Variants in SSBP3 observed in about 807,000 individuals in gnomAD.
The protein encoded by SSBP3 is single-stranded DNA-binding protein 3.
A neutral mutation model predicts 69.6 loss-of-function variants in SSBP3; 5 were observed. The observed-to-expected ratio is 0.07, with a 90% CI of 0.04 to 0.15. The LOEUF is 0.15. Ranked by LOEUF, SSBP3 falls within the 10% of genes least tolerant of loss-of-function variation. SSBP3 has a pLI of 1.00. For synonymous variants in SSBP3, 196 were observed against 193.4 expected (o/e 1.01, Z -0.11); for missense variants, 312 against 534.0 (o/e 0.58, Z 4.10).
At chr1:54,310,825 G>C (rs1055111384) in intron 4 of SSBP3, among the ~76,000 whole-genome samples, 3 of 152,186 alleles carry the variant, frequency 2.0e-5, no homozygotes, top group African/African-American at 7.2e-5. Context: ...CCACCTGTGA[G>C]GATGGGGGGA....
chr1:54,346,194 A>G (rs544165496), intron 4 of SSBP3, among the ~76,000 whole-genome samples: 1 of 151,534 alleles, frequency 6.6e-6, no homozygotes, highest in South Asian at 2.1e-4. Context: ...GCGCGGCACC[A>G]TGTGCTTGTA....
intron 4 of SSBP3, among the ~76,000 whole-genome samples, chr1:54,339,771 G>A (rs1424765298): frequency 6.6e-6 from 1 of 152,072 alleles, no homozygotes; most frequent in Non-Finnish European, 1.5e-5. Flanking sequence ...AAATTAGCCG[G>A]GCATGTTGGC....
At chr1:54,293,525 T>C (rs1011080473) in intron 4 of SSBP3, among the ~76,000 whole-genome samples, 1 of 152,236 alleles carries the variant, frequency 6.6e-6, no homozygotes, top group African/African-American at 2.4e-5. Flanking sequence ...TAACCTATTA[T>C]TACTTACACA....
chr1:54,311,070 C>A (rs180909370), intron 4 of SSBP3, among the ~76,000 whole-genome samples: 1 of 152,174 alleles, frequency 6.6e-6, no homozygotes, highest in East Asian at 1.9e-4. Context: ...GGACCCTAAT[C>A]GATGGCTGAC....
intron 13 of SSBP3, among the ~76,000 whole-genome samples, chr1:54,240,592 G>T (rs1479967412): frequency 2.6e-5 from 4 of 151,746 alleles, no homozygotes; most frequent in South Asian, 2.1e-4. Flanking sequence ...GAACCCCAAG[G>T]CCCCTTTTTG....
chr1:54,332,842 A>C (rs1483391215), intron 4 of SSBP3, among the ~76,000 whole-genome samples: 2 of 152,214 alleles, frequency 1.3e-5, no homozygotes, highest in Non-Finnish European at 2.9e-5. Context: ...TTCAGTGCCC[A>C]CAGGGGACCA....
chr1:54,336,260 C>A (rs1451404754), intron 4 of SSBP3, among the ~76,000 whole-genome samples: 5 of 152,172 alleles, frequency 3.3e-5, no homozygotes, highest in African/African-American at 1.2e-4. Flanking sequence ...GTAAGCAGGG[C>A]AAATATGAGA....
intron 4 of SSBP3, among the ~76,000 whole-genome samples, chr1:54,316,647 C>CAAA (rs1199647407): frequency 0.022 from 755 of 34,014 alleles, 75 homozygotes; most frequent in African/African-American, 0.12. Context: ...GACTCCGTCT[C>CAAA]AAAAAAAAAA....
Position 54,258,338 on chromosome 1 carries a change from G to A in SSBP3, c.367-189C>T, listed in dbSNP as rs1269627461. Among the ~76,000 whole-genome samples the A allele has an allele frequency of 6.6e-6, 1 of 152,242 alleles. No homozygotes were observed. Among genetic ancestry groups the A allele is most frequent in the Non-Finnish European group, 1.5e-5 (1 of 68,044 alleles). ...CCGGCTCAACGGTGTAAAACGGCGA[G>A]CGGGAGCGAGAGAAGCTGATAAATA... On this transcript the variant is annotated intron_variant, in intron 5 of 17. Coordinates refer to ENST00000610401, the Ensembl canonical transcript of SSBP3. This position sits in a 1 kb window ranked among gnomAD's most constrained non-coding sequence, Gnocchi z 4.5.
intron 4 of SSBP3, among the ~76,000 whole-genome samples, chr1:54,340,033 G>A (rs1322020151): frequency 1.3e-5 from 2 of 152,092 alleles, no homozygotes; most frequent in Non-Finnish European, 2.9e-5. Context: ...TGCTTCTCTG[G>A]CTCTACTTCT....
At chr1:54,233,550 C>T (rs1290240740) in intron 14 of SSBP3, among the ~76,000 whole-genome samples, 13 of 147,082 alleles carry the variant, frequency 8.8e-5, no homozygotes, top group African/African-American at 3.2e-4. Flanking sequence ...GGGGGTAAGC[C>T]CCCCGCCCGG....
rs570946260 is a variant in SSBP3 at position 54,329,785 on chromosome 1, C to T, written c.277-48258G>A. Among the ~76,000 whole-genome samples, 26 of 152,316 alleles carry T rather than the reference C, an allele frequency of 1.7e-4. 1 individual carries two copies. In the East Asian group the frequency reaches 3.7e-3, roughly 22 times the overall value. On this transcript the variant is annotated intron_variant, in intron 4 of 17. Coordinates refer to ENST00000610401, the Ensembl canonical transcript of SSBP3. ...GTTCAATACAAAACAGCGGCCCAGC[C>T]GCTCCCCTCCCTGAGAAATGGGGGA... is the stretch of plus-strand genomic sequence containing the variant.
rs1644963154 is a variant in SSBP3 at position 54,258,555 on chromosome 1, A to C, written c.367-406T>G. On this transcript the variant is annotated intron_variant, in intron 5 of 17. Coordinates refer to ENST00000610401, the Ensembl canonical transcript of SSBP3. The surrounding 1 kb of genome is among the most constrained non-coding windows in gnomAD (Gnocchi z 4.5). Reference sequence around the variant, plus strand: ...TGCAAAGCACGTAGGTGCCGCTTGCACGGGAGGTGGGGAAAGATCGGGAAG... The same window carrying C: ...TGCAAAGCACGTAGGTGCCGCTTGCCCGGGAGGTGGGGAAAGATCGGGAAG... Among the ~76,000 whole-genome samples the C allele has an allele frequency of 6.6e-6, 1 of 152,182 alleles. No homozygotes were observed. Among genetic ancestry groups the C allele is most frequent in the African/African-American group, 2.4e-5 (1 of 41,430 alleles).
chr1:54,401,949 C>CGAG lies in SSBP3; in HGVS notation c.192-7_192-5dup. 1 of 1,612,650 alleles carries CGAG rather than the reference C, an allele frequency of 6.2e-7. No individual in the cohort carries two copies. Among genetic ancestry groups the CGAG allele is most frequent in the Non-Finnish European group, 8.5e-7 (1 of 1,178,948 alleles). ...ACAGTAAAGGTCCCAAAATACACTG[C>CGAG]GAGGAGGAAAATAAAATAAGGTCAG... On this transcript the variant is annotated splice_polypyrimidine_tract_variant and splice_region_variant and intron_variant, in intron 3 of 17. Coordinates refer to ENST00000610401, the Ensembl canonical transcript of SSBP3.
chr1:54,240,108 GCGCGCGCGCGCGCAA>G (rs769771315), intron 13 of SSBP3, among the ~76,000 whole-genome samples: 1,441 of 5,036 alleles, frequency 0.29, 45 homozygotes, highest in Middle Eastern at 0.5. Context: ...GCGTGTGCGT[GCGCGCGCGCGCGCAA>G]CACATGCCCA....
exon 13 of SSBP3, chr1:54,240,911 G>A (rs770811844): frequency 1.2e-6 from 2 of 1,612,750 alleles, no homozygotes; most frequent in Non-Finnish European, 1.7e-6. Context: ...TTACCTGCGG[G>A]ACTGGGCATA....
chr1:54,228,654 AG>A, intron 15 of SSBP3, 93 bp downstream of exon 15: 1 of 1,489,742 alleles, frequency 6.7e-7, no homozygotes, highest in Non-Finnish European at 9.1e-7. Context: ...AAGGCCGGCC[AG>A]GGCTCTGTAC....
At chr1:54,406,080 A>AGCT in exon 1 of SSBP3, 7 of 1,215,196 alleles carry the variant, frequency 5.8e-6, no homozygotes, top group Non-Finnish European at 7.7e-6. Flanking sequence ...GGCTCTCCCG[A>AGCT]GCTGCCCCTC....
chr1:54,284,025 A>C (rs1459056742), intron 4 of SSBP3, among the ~76,000 whole-genome samples: 1 of 151,658 alleles, frequency 6.6e-6, no homozygotes, highest in East Asian at 1.9e-4. Context: ...ACATCCATCT[A>C]CATTTTTCTT....
Sources: gnomAD v4.1 joint callset for allele counts (sites outside exome capture counted in the v4.1 genomes callset) on GRCh38, gnomAD v4.1.1 for gene constraint, Gnocchi (gnomAD v3.1) non-coding constraint, MANE v1.5 for transcripts, NCBI Gene and HGNC (gene_info 2026-07-23, HGNC 2026-07-21) for gene names.